NOX4: variants seen among roughly 807,000 people sequenced by gnomAD.
The protein encoded by NOX4 is kidney oxidase-1.
In NOX4, 69 loss-of-function variants were observed where a neutral mutation model predicts 87.6. The observed-to-expected ratio is 0.79, with a 90% CI of 0.65 to 0.96. The LOEUF is 0.96. Among genes scored for constraint, NOX4 ranks in the 40% least tolerant of loss-of-function variants. The pLI is 0.00. For synonymous variants in NOX4, 275 were observed against 238.2 expected (o/e 1.15, Z -1.42); for missense variants, 680 against 681.5 (o/e 1.00, Z 0.02).
At chr11:89,535,967 T>A in the NOX4 span, among the ~76,000 whole-genome samples, 1 of 152,046 alleles carries the variant, frequency 6.6e-6, no homozygotes. Context: ...TTTAGTTCAG[T>A]CCTGCACTTT....
the NOX4 span, among the ~76,000 whole-genome samples, chr11:89,512,755 C>A: frequency 2.0e-5 from 3 of 152,054 alleles, no homozygotes; most frequent in Non-Finnish European, 4.4e-5. Flanking sequence ...CATCACTTGA[C>A]CATTAAATTC....
chr11:89,419,333 T>C (rs1451163739), intron 8 of NOX4, among the ~76,000 whole-genome samples: 1 of 152,108 alleles, frequency 6.6e-6, no homozygotes, highest in Non-Finnish European at 1.5e-5. Flanking sequence ...AACAAAGTTA[T>C]CTAGGTATTT....
the NOX4 span, among the ~76,000 whole-genome samples, chr11:89,543,196 T>C: frequency 6.6e-6 from 1 of 152,066 alleles, no homozygotes; most frequent in Non-Finnish European, 1.5e-5. Context: ...ACTGCCTAAA[T>C]CTATATAAAA....
At chr11:89,402,824 T>C (rs1329142256) in intron 8 of NOX4, among the ~76,000 whole-genome samples, 3 of 152,168 alleles carry the variant, frequency 2.0e-5, no homozygotes, top group Admixed American at 6.6e-5. Context: ...CCAGGCATTA[T>C]TGAATTTGAT....
chr11:89,460,560 T>C (rs1461731981), intron 2 of NOX4, among the ~76,000 whole-genome samples: 25 of 152,112 alleles, frequency 1.6e-4, no homozygotes, highest in East Asian at 7.7e-4. Context: ...TGAAAAAATG[T>C]TCATCATCAC....
chr11:89,466,749 G>C (rs908935613), intron 2 of NOX4, among the ~76,000 whole-genome samples: 2 of 152,104 alleles, frequency 1.3e-5, no homozygotes, highest in Middle Eastern at 3.2e-3. Flanking sequence ...GAGAAACAGA[G>C]TATGAATACA....
intron 11 of NOX4, among the ~76,000 whole-genome samples, chr11:89,381,036 A>T (rs1940246881): frequency 6.6e-6 from 1 of 152,190 alleles, no homozygotes; most frequent in Non-Finnish European, 1.5e-5. Flanking sequence ...TCTTTGTGAG[A>T]TCCATAGCCA....
intron 2 of NOX4, among the ~76,000 whole-genome samples, chr11:89,455,324 C>A (rs1253619136): frequency 6.6e-6 from 1 of 152,080 alleles, no homozygotes; most frequent in African/African-American, 2.4e-5. Context: ...GAAGCAGAAG[C>A]CCCAAAGGTA....
chr11:89,498,791 A>G (rs1245205466), upstream of NOX4: 2 of 152,334 alleles, frequency 1.3e-5, no homozygotes, highest in African/African-American at 2.4e-5. Context: ...TTTGGCATGG[A>G]TAACACACAG....
chr11:89,492,742 A>C (rs1021263139), upstream of NOX4, among the ~76,000 whole-genome samples: 1 of 152,014 alleles, frequency 6.6e-6, no homozygotes, highest in Non-Finnish European at 1.5e-5. Flanking sequence ...CACACGAAAA[A>C]CCCAAGGGGT....
At chr11:89,485,623 G>T (rs1442054721) in intron 2 of NOX4, among the ~76,000 whole-genome samples, 1 of 152,098 alleles carries the variant, frequency 6.6e-6, no homozygotes, top group East Asian at 1.9e-4. Flanking sequence ...CTACATTTCT[G>T]AGAGTTGAAC....
intron 2 of NOX4, among the ~76,000 whole-genome samples, chr11:89,456,154 T>A (rs1176745225): frequency 6.6e-6 from 1 of 152,148 alleles, no homozygotes; most frequent in African/African-American, 2.4e-5. Flanking sequence ...TATTGCATGT[T>A]TGTATCAAAA....
chr11:89,494,014 C>T (rs1043818899), upstream of NOX4, among the ~76,000 whole-genome samples: 22 of 152,110 alleles, frequency 1.4e-4, no homozygotes, highest in African/African-American at 5.3e-4. Flanking sequence ...CTCGGCCTCC[C>T]TAACTGCTGG....
chr11:89,561,704 G>A, the NOX4 span, among the ~76,000 whole-genome samples: 3 of 152,094 alleles, frequency 2.0e-5, no homozygotes, highest in Admixed American at 1.3e-4. Context: ...TTGGTGCCGG[G>A]GACATACAAC....
intron 12 of NOX4, among the ~76,000 whole-genome samples, chr11:89,364,125 T>C (rs964456586): frequency 6.6e-6 from 1 of 152,180 alleles, no homozygotes; most frequent in South Asian, 2.1e-4. Flanking sequence ...TATACACCTG[T>C]AGTCCTCACT....
chr11:89,488,685 G>A (rs1279468730), intron 2 of NOX4, among the ~76,000 whole-genome samples: 1 of 152,026 alleles, frequency 6.6e-6, no homozygotes, highest in Non-Finnish European at 1.5e-5. Context: ...TCGTGATCCA[G>A]AGCAAATTTT....
intron 17 of NOX4, among the ~76,000 whole-genome samples, chr11:89,333,312 G>A (rs936653544): frequency 6.6e-6 from 1 of 151,682 alleles, no homozygotes; most frequent in African/African-American, 2.4e-5. Context: ...AAAGTAAGCT[G>A]AAGAATTACT....
At chr11:89,489,736 AAAAAGAAAG>A (rs1421474241) in intron 2 of NOX4, among the ~76,000 whole-genome samples, 2 of 151,340 alleles carry the variant, frequency 1.3e-5, no homozygotes, top group African/African-American at 4.8e-5. Context: ...TCAAAAAAAA[AAAAAGAAAG>A]AAAGAAAGAA....
At chr11:89,558,718 G>C in the NOX4 span, among the ~76,000 whole-genome samples, 2 of 152,048 alleles carry the variant, frequency 1.3e-5, no homozygotes, top group African/African-American at 2.4e-5. Flanking sequence ...GGCACAAATG[G>C]TAAGTCGGTA....
Sources: gnomAD v4.1 joint callset for allele counts (sites outside exome capture counted in the v4.1 genomes callset) on GRCh38, gnomAD v4.1.1 for gene constraint, MANE v1.5 for transcripts, NCBI Gene and HGNC (gene_info 2026-07-23, HGNC 2026-07-21) for gene names.